The following MACROD2 variants were observed in gnomAD, a reference collection of about 807,000 sequenced individuals.
The protein encoded by MACROD2 is mono-ADP ribosylhydrolase 2.
In MACROD2, 36 loss-of-function variants were observed where a neutral mutation model predicts 70.4. The observed-to-expected ratio is 0.51, with a 90% confidence interval of 0.39 to 0.68. The LOEUF (loss-of-function observed/expected upper bound fraction) is 0.68. Ranked by LOEUF, MACROD2 falls within the 30% of genes least tolerant of loss-of-function variation. MACROD2 has a pLI of 0.00. For missense variants in MACROD2, 496 were observed against 538.4 expected (o/e 0.92, Z 0.78); for synonymous variants, 172 against 178.8 (o/e 0.96, Z 0.30).
intron 3 of MACROD2, among the ~76,000 whole-genome samples, chr20:14,141,915 A>G (rs1042999755): frequency 6.6e-6 from 1 of 152,164 alleles, no homozygotes; most frequent in Non-Finnish European, 1.5e-5. Flanking sequence ...GAATGAATAC[A>G]TACGATGTTT....
At chr20:15,348,521 T>A (rs2078191454) in intron 6 of MACROD2, among the ~76,000 whole-genome samples, 1 of 152,198 alleles carries the variant, frequency 6.6e-6, no homozygotes, top group Non-Finnish European at 1.5e-5. Flanking sequence ...TGTATATTAG[T>A]CTGTTCTCAT....
intron 5 of MACROD2, among the ~76,000 whole-genome samples, chr20:15,139,389 G>C (rs907255198): frequency 1.3e-5 from 2 of 152,078 alleles, no homozygotes; most frequent in South Asian, 2.1e-4. Context: ...TATGGTGGGG[G>C]GGTGTCGTAG....
chr20:14,359,538 G>A (rs557737665), intron 3 of MACROD2, among the ~76,000 whole-genome samples: 1 of 152,316 alleles, frequency 6.6e-6, no homozygotes, highest in Admixed American at 6.5e-5. Context: ...GTTCATAATA[G>A]CCAAGATATG....
chr20:14,268,887 C>A (rs1329381426), intron 3 of MACROD2, among the ~76,000 whole-genome samples: 2 of 152,138 alleles, frequency 1.3e-5, no homozygotes, highest in Non-Finnish European at 2.9e-5. Context: ...TATCAGTTCC[C>A]ATAGCAGCCT....
chr20:15,649,440 G>C (rs2049611176), intron 8 of MACROD2, among the ~76,000 whole-genome samples: 1 of 152,170 alleles, frequency 6.6e-6, no homozygotes, highest in East Asian at 1.9e-4. Flanking sequence ...GCAAGTTCCA[G>C]AGTCGTGAAT....
chr20:14,144,915 T>C (rs2054926166), intron 3 of MACROD2, among the ~76,000 whole-genome samples: 1 of 152,240 alleles, frequency 6.6e-6, no homozygotes, highest in Admixed American at 6.5e-5. Flanking sequence ...GGGCTCATCA[T>C]GTTCGCCACT....
intron 8 of MACROD2, among the ~76,000 whole-genome samples, chr20:15,528,391 G>T (rs974758141): frequency 6.6e-6 from 1 of 152,178 alleles, no homozygotes; most frequent in Non-Finnish European, 1.5e-5. Flanking sequence ...AAAGTGCTGG[G>T]GTTACAGGCA....
At chr20:14,256,449 A>ATTTATAAATCAATTTTTT (rs2082057032) in intron 3 of MACROD2, among the ~76,000 whole-genome samples, 1 of 152,130 alleles carries the variant, frequency 6.6e-6, no homozygotes, top group East Asian at 1.9e-4. Context: ...GATTTATATT[A>ATTTATAAATCAATTTTTT]GACATTTTTT....
intron 5 of MACROD2, among the ~76,000 whole-genome samples, chr20:14,808,778 G>A (rs1033287863): frequency 9.9e-5 from 15 of 151,532 alleles, no homozygotes; most frequent in African/African-American, 3.4e-4. Context: ...AAAAAGCAGG[G>A]GTTGTAATCC....
chr20:15,818,269 C>T (rs1275895013), intron 8 of MACROD2, among the ~76,000 whole-genome samples: 2 of 152,150 alleles, frequency 1.3e-5, no homozygotes, highest in East Asian at 1.9e-4. Flanking sequence ...ATGGGCTGCT[C>T]GACTGAGTAT....
At chr20:15,910,689 C>T (rs73898598) in intron 10 of MACROD2, among the ~76,000 whole-genome samples, 1,957 of 152,154 alleles carry the variant, frequency 0.013, 31 homozygotes, top group African/African-American at 0.04. Context: ...AAATTGAACA[C>T]GTCGGTCCAC....
chr20:15,150,283 G>A (rs567575102), intron 5 of MACROD2, among the ~76,000 whole-genome samples: 7 of 152,078 alleles, frequency 4.6e-5, no homozygotes, highest in South Asian at 2.1e-4. Flanking sequence ...GACGAGGGGT[G>A]TAGGGGAATA....
chr20:15,377,591 G>A (rs1315694061), intron 6 of MACROD2, among the ~76,000 whole-genome samples: 1 of 152,166 alleles, frequency 6.6e-6, no homozygotes, highest in Admixed American at 6.5e-5. Flanking sequence ...CACAAGAAAT[G>A]CCCAAAGTCT....
At chr20:15,610,857 C>T (rs779973470) in intron 8 of MACROD2, among the ~76,000 whole-genome samples, 2 of 152,166 alleles carry the variant, frequency 1.3e-5, no homozygotes, top group Non-Finnish European at 2.9e-5. Flanking sequence ...GCGTTTCTGG[C>T]CTGGCTGTGG....
intron 6 of MACROD2, among the ~76,000 whole-genome samples, chr20:15,326,171 G>A (rs1015439137): frequency 5.3e-5 from 8 of 152,084 alleles, no homozygotes; most frequent in African/African-American, 2.4e-5. Context: ...TGGAAAAAAT[G>A]TTATAAGTTT....
At chr20:15,196,947 G>A in intron 5 of MACROD2, 1 of 985,324 alleles carries the variant, frequency 1.0e-6, no homozygotes, top group Non-Finnish European at 1.2e-6. Flanking sequence ...TTTAAAAATT[G>A]GAGCCCTTTG....
Position 15,884,818 on chromosome 20 carries a change from A to G in MACROD2, c.728-946A>G, listed in dbSNP as rs572981223. On this transcript the variant is annotated intron_variant, in intron 9 of 17. Coordinates refer to ENST00000684519, the MANE Select transcript of MACROD2 (RefSeq NM_001351661.2). Reference sequence around the variant, plus strand: ...AGAAATTTATTTCTGACAGTTCTGGAGGCTGGAAGTCCAAGATCAAGGTGC... The same window carrying G: ...AGAAATTTATTTCTGACAGTTCTGGGGGCTGGAAGTCCAAGATCAAGGTGC... 2.8e-4 allele frequency among the ~76,000 whole-genome samples: 43 copies of G among 152,190 alleles called. No homozygotes were observed. In the South Asian group the frequency reaches 8.1e-3, roughly 29 times the overall value.
intron 8 of MACROD2, among the ~76,000 whole-genome samples, chr20:15,786,159 A>G (rs943623444): frequency 2.5e-5 from 3 of 118,590 alleles, no homozygotes; most frequent in Non-Finnish European, 5.2e-5. Context: ...TCTTAACAAT[A>G]TTAAAAAAAA....
chr20:15,261,921 G>A (rs424501), intron 6 of MACROD2, among the ~76,000 whole-genome samples: 2,779 of 151,548 alleles, frequency 0.018, 35 homozygotes, highest in South Asian at 0.065. Context: ...AATTTTTGTG[G>A]GTACATGGTA....
Sources: allele counts gnomAD v4.1 joint callset (sites outside exome capture counted in the v4.1 genomes callset), GRCh38; gene constraint gnomAD v4.1.1; transcripts MANE v1.5; gene names NCBI Gene and HGNC (gene_info 2026-07-23, HGNC 2026-07-21).